LRRC4C: variants seen among roughly 807,000 people sequenced by gnomAD.
LRRC4C encodes leucine rich repeat containing 4C, also known as leucine-rich repeat-containing protein 4C.
In LRRC4C, 5 loss-of-function variants were observed where a neutral mutation model predicts 33.6. That is an observed-to-expected ratio of 0.15 (90% CI 0.08 to 0.31). The LOEUF (loss-of-function observed/expected upper bound fraction) is 0.31, where lower values mean the gene tolerates loss of function less well. LRRC4C is among the 10% of genes least tolerant of loss of function. LRRC4C has a pLI of 1.00. For missense variants in LRRC4C, 560 were observed against 796.7 expected, an observed-to-expected ratio of 0.70 and a Z score of 3.58; for synonymous variants, 329 against 302.0, an observed-to-expected ratio of 1.09 and a Z score of -0.93.
At chr11:40,302,521 CCTT>C (rs1415749959) in intron 4 of LRRC4C, among the ~76,000 whole-genome samples, 7 of 152,056 alleles carry the variant, frequency 4.6e-5, no homozygotes, top group African/African-American at 1.7e-4. Context: ...AGAGGCCCAT[CCTT>C]CTTTTCTGTC....
chr11:41,157,878 C>A (rs1022719258), intron 1 of LRRC4C, among the ~76,000 whole-genome samples: 2 of 151,826 alleles, frequency 1.3e-5, no homozygotes, highest in Non-Finnish European at 1.5e-5. Context: ...ATCCCCCAAG[C>A]GTTTATCCAT....
chr11:41,261,387 T>C (rs1948977951), intron 1 of LRRC4C, among the ~76,000 whole-genome samples: 1 of 152,078 alleles, frequency 6.6e-6, no homozygotes, highest in South Asian at 2.1e-4. Flanking sequence ...AGTAGGAACA[T>C]ACTAAAATCA....
At chr11:40,627,119 G>A (rs1240869957) in intron 3 of LRRC4C, among the ~76,000 whole-genome samples, 7 of 147,424 alleles carry the variant, frequency 4.7e-5, no homozygotes, top group Middle Eastern at 3.6e-3. Context: ...TCAGGTACTA[G>A]GATGGGTCTG....
chr11:40,335,080 C>A (rs1946538474), intron 3 of LRRC4C, among the ~76,000 whole-genome samples: 1 of 151,984 alleles, frequency 6.6e-6, no homozygotes, highest in Admixed American at 6.6e-5. Context: ...TTTAAATGTA[C>A]AAACAAAAAT....
At position 40,794,798 on chromosome 11, in the gene LRRC4C, G is replaced by C. The variant is rs143819921; in HGVS notation, c.-407+138837C>G. Among the ~76,000 whole-genome samples, 908 of 151,288 alleles carry C rather than the reference G, an allele frequency of 6.0e-3. 4 individuals are homozygous for C. The highest frequency in any genetic ancestry group is 8.0e-3 in the Non-Finnish European group (545 of 67,702). Reference sequence around the variant, plus strand: ...CAGGAGTGTAGGGAAACAAGATCACGACTCAAAGTCCGTAACCAGGGCTTA... The same window carrying C: ...CAGGAGTGTAGGGAAACAAGATCACCACTCAAAGTCCGTAACCAGGGCTTA... On this transcript the variant is annotated intron_variant, in intron 2 of 6. Transcript: ENST00000528697.
intron 2 of LRRC4C, among the ~76,000 whole-genome samples, chr11:40,846,594 T>TGCTTCG (rs1162490400): frequency 6.6e-6 from 1 of 152,184 alleles, no homozygotes; most frequent in African/African-American, 2.4e-5. Context: ...TGTAACCTGA[T>TGCTTCG]GCTTCCAGCT....
intron 1 of LRRC4C, among the ~76,000 whole-genome samples, chr11:41,286,921 A>G (rs911634286): frequency 2.0e-5 from 3 of 152,106 alleles, no homozygotes; most frequent in African/African-American, 7.2e-5. Context: ...GGAAATGACC[A>G]CATCAGTTAG....
chr11:40,759,775 A>AT (rs1048855378), intron 2 of LRRC4C, among the ~76,000 whole-genome samples: 2 of 151,792 alleles, frequency 1.3e-5, no homozygotes, highest in African/African-American at 4.8e-5. Flanking sequence ...ATCTTTATAC[A>AT]TTTTTCCCCT....
chr11:40,570,857 AT>A (rs1279188993), intron 3 of LRRC4C, among the ~76,000 whole-genome samples: 2 of 152,178 alleles, frequency 1.3e-5, no homozygotes, highest in African/African-American at 4.8e-5. Context: ...GTAATCAAAT[AT>A]TTGATTTATT....
intron 2 of LRRC4C, among the ~76,000 whole-genome samples, chr11:40,759,966 A>C (rs1346376899): frequency 2.7e-5 from 4 of 150,920 alleles, no homozygotes; most frequent in Admixed American, 6.6e-5. Flanking sequence ...CAACAACAAA[A>C]AAAAAAAAAA....
chr11:41,029,001 C>T (rs1382997781), intron 1 of LRRC4C, among the ~76,000 whole-genome samples: 2 of 151,702 alleles, frequency 1.3e-5, no homozygotes, highest in East Asian at 3.9e-4. Flanking sequence ...TATATGTCTT[C>T]ATATACTTAT....
chr11:40,987,646 TA>T (rs1390862046), intron 1 of LRRC4C, among the ~76,000 whole-genome samples: 2 of 57,370 alleles, frequency 3.5e-5, no homozygotes, highest in African/African-American at 1.1e-4. Flanking sequence ...TATATATATA[TA>T]TATATCTCAT....
At position 40,226,529 on chromosome 11, in the gene LRRC4C, C is replaced by CT. The variant is rs1237552976; in HGVS notation, c.-96+14989dup. On this transcript the variant is annotated intron_variant, in intron 5 of 6. Transcript: ENST00000528697. ...AATAAGATGAAAAATAATCTGTGATCTTTCATACAACATTACTAACCTTGC... is the reference window on the plus strand; with the variant it reads ...AATAAGATGAAAAATAATCTGTGATCTTTTCATACAACATTACTAACCTTGC... 2.6e-5 allele frequency among the ~76,000 whole-genome samples: 4 copies of CT among 152,298 alleles called. No homozygotes were observed. In the East Asian group the frequency reaches 7.7e-4, roughly 29 times the overall value.
intron 2 of LRRC4C, among the ~76,000 whole-genome samples, chr11:40,684,220 CAT>C (rs1275742721): frequency 6.6e-6 from 1 of 151,094 alleles, no homozygotes; most frequent in Non-Finnish European, 1.5e-5. Flanking sequence ...ATAGACATAA[CAT>C]AATTTAATGA....
intron 1 of LRRC4C, among the ~76,000 whole-genome samples, chr11:41,142,796 G>T (rs1943565649): frequency 6.6e-6 from 1 of 150,900 alleles, no homozygotes; most frequent in Non-Finnish European, 1.5e-5. Context: ...AGTTGTTTTT[G>T]TGTTAAAATC....
At chr11:40,998,079 G>A (rs570059287) in intron 1 of LRRC4C, among the ~76,000 whole-genome samples, 1 of 152,204 alleles carries the variant, frequency 6.6e-6, no homozygotes, top group South Asian at 2.1e-4. Context: ...GCAGAAAAGA[G>A]AGGTCGAAAA....
At chr11:40,338,128 A>G (rs1234297503) in intron 3 of LRRC4C, among the ~76,000 whole-genome samples, 3 of 152,172 alleles carry the variant, frequency 2.0e-5, no homozygotes, top group Non-Finnish European at 4.4e-5. Flanking sequence ...TTCCTTTTAC[A>G]TGGAACTAGT....
At chr11:41,455,884 A>T (rs543497050) in intron 1 of LRRC4C, among the ~76,000 whole-genome samples, 8 of 152,138 alleles carry the variant, frequency 5.3e-5, no homozygotes, top group Non-Finnish European at 1.2e-4. Flanking sequence ...TTCTCAATCC[A>T]GAGGGTTTTT....
chr11:41,384,028 T>C (rs1485261964), intron 1 of LRRC4C, among the ~76,000 whole-genome samples: 1 of 151,940 alleles, frequency 6.6e-6, no homozygotes, highest in Non-Finnish European at 1.5e-5. Context: ...TTATAGCCTT[T>C]AGTTGTTTTT....
Sources: allele counts gnomAD v4.1 joint callset (sites outside exome capture counted in the v4.1 genomes callset), GRCh38; gene constraint gnomAD v4.1.1; transcripts MANE v1.5; gene names NCBI Gene and HGNC (gene_info 2026-07-23, HGNC 2026-07-21).